The following TP63 variants were observed in gnomAD, a reference collection of about 807,000 sequenced individuals.
The protein encoded by TP63 is tumor protein p63.
In TP63, 17 loss-of-function variants were observed where a neutral mutation model predicts 82.8. The ratio of observed to expected loss-of-function variants is 0.21; its 90% CI spans 0.14 to 0.31. TP63 has a LOEUF of 0.31. Among genes scored for constraint, TP63 ranks in the 10% least tolerant of loss-of-function variants. The pLI is 1.00. For synonymous variants in TP63, 330 were observed against 321.7 expected (o/e 1.03, Z -0.28); for missense variants, 648 against 895.3 (o/e 0.72, Z 3.52).
intron 4 of TP63, among the ~76,000 whole-genome samples, chr3:189,858,468 T>A (rs568314311): frequency 6.7e-6 from 1 of 150,134 alleles, no homozygotes; most frequent in South Asian, 2.1e-4. Flanking sequence ...TACTATTCAG[T>A]CAGAAAAACA....
the TP63 span, among the ~76,000 whole-genome samples, chr3:189,611,806 G>A: frequency 1.3e-4 from 20 of 152,210 alleles, no homozygotes; most frequent in African/African-American, 4.8e-4. Context: ...ATTTCTTTGA[G>A]CATTGTTTTG....
chr3:189,637,386 G>A (rs1729849961), intron 1 of TP63, among the ~76,000 whole-genome samples: 1 of 152,008 alleles, frequency 6.6e-6, no homozygotes, highest in Non-Finnish European at 1.5e-5. Flanking sequence ...TCCAACAATT[G>A]TGTCTTCATG....
At chr3:189,737,660 G>GCTTTAATTTA in intron 1 of TP63, 80 bp from the exon 2 acceptor site, 2 of 1,505,284 alleles carry the variant, frequency 1.3e-6, no homozygotes, top group East Asian at 4.5e-5. Flanking sequence ...ATGTTTTCAT[G>GCTTTAATTTA]ATAGAGTATG....
At chr3:189,822,865 C>T (rs1005547470) in intron 4 of TP63, among the ~76,000 whole-genome samples, 1 of 152,176 alleles carries the variant, frequency 6.6e-6, no homozygotes, top group Non-Finnish European at 1.5e-5. Flanking sequence ...AGGGAAGCCA[C>T]AGGAAGGCAG....
intron 3 of TP63, among the ~76,000 whole-genome samples, chr3:189,797,933 G>C (rs1477811334): frequency 6.6e-6 from 1 of 151,996 alleles, no homozygotes; most frequent in African/African-American, 2.4e-5. Context: ...AAAGCTCTCA[G>C]ATTCCCCCAT....
At chr3:189,822,047 C>T (rs1382997164) in intron 4 of TP63, among the ~76,000 whole-genome samples, 17 of 152,156 alleles carry the variant, frequency 1.1e-4, no homozygotes, top group South Asian at 2.1e-4. Context: ...AATTTCACTT[C>T]TCTCTAGCTG....
chr3:189,734,058 CTTTT>C (rs374530322), intron 1 of TP63, among the ~76,000 whole-genome samples: 33 of 151,256 alleles, frequency 2.2e-4, no homozygotes, highest in African/African-American at 7.8e-4. Context: ...TTCTCTCTTT[CTTTT>C]TCTTTCTTTT....
chr3:189,618,328 T>A, the TP63 span, among the ~76,000 whole-genome samples: 1,927 of 152,292 alleles, frequency 0.013, 45 homozygotes, highest in African/African-American at 0.044. Flanking sequence ...AAGTCTTTCT[T>A]TGTATTGGGA....
intron 3 of TP63, among the ~76,000 whole-genome samples, chr3:189,754,631 T>C (rs758348116): frequency 2.0e-5 from 3 of 152,144 alleles, no homozygotes; most frequent in Non-Finnish European, 4.4e-5. Flanking sequence ...ATTTCTGATA[T>C]GTCATAGAAA....
chr3:189,807,208 T>C (rs1408882950), intron 3 of TP63, among the ~76,000 whole-genome samples: 1 of 152,252 alleles, frequency 6.6e-6, no homozygotes, highest in African/African-American at 2.4e-5. Flanking sequence ...GAAATGATGA[T>C]AGGCTGATTT....
intron 4 of TP63, among the ~76,000 whole-genome samples, chr3:189,827,290 C>T (rs1409909075): frequency 6.6e-6 from 1 of 152,186 alleles, no homozygotes; most frequent in Non-Finnish European, 1.5e-5. Context: ...CAGACTCCTA[C>T]TTATTCTTTA....
rs1476888127 is a variant in TP63 at position 189,808,544 on chromosome 3, G to C, written c.579+18G>C. On this transcript the variant is annotated intron_variant, in intron 4 of 13. Transcript: ENST00000264731. ...CCTGGACGGTAAGAGCAGCGGGCACGCACATACCTGACCCCCCAAGTCCAA... is the reference window on the plus strand; with the variant it reads ...CCTGGACGGTAAGAGCAGCGGGCACCCACATACCTGACCCCCCAAGTCCAA... 1 of 1,612,218 alleles carries C rather than the reference G, an allele frequency of 6.2e-7. No homozygotes were observed. The highest frequency in any genetic ancestry group is 1.3e-5 in the African/African-American group (1 of 74,938).
chr3:189,753,077 A>G (rs899474869), intron 3 of TP63, among the ~76,000 whole-genome samples: 11 of 152,052 alleles, frequency 7.2e-5, no homozygotes, highest in African/African-American at 2.7e-4. Context: ...GTTTATCTTG[A>G]TGACTGTTTT....
intron 4 of TP63, among the ~76,000 whole-genome samples, chr3:189,816,345 G>A (rs1164052142): frequency 6.6e-6 from 1 of 152,152 alleles, no homozygotes; most frequent in African/African-American, 2.4e-5. Context: ...TTGTGGGATT[G>A]TCGCTCTTGG....
chr3:189,820,481 G>T (rs1728688889), intron 4 of TP63, among the ~76,000 whole-genome samples: 1 of 152,144 alleles, frequency 6.6e-6, no homozygotes, highest in Non-Finnish European at 1.5e-5. Context: ...AGGTTTTATA[G>T]ACTCTTTTCT....
intron 1 of TP63, among the ~76,000 whole-genome samples, chr3:189,705,316 T>C (rs1198381865): frequency 2.6e-5 from 4 of 152,226 alleles, no homozygotes; most frequent in African/African-American, 7.2e-5. Context: ...ACCTACCCTA[T>C]AGGATTAGTA....
At chr3:189,790,798 G>A (rs969950436) in intron 3 of TP63, among the ~76,000 whole-genome samples, 1 of 152,048 alleles carries the variant, frequency 6.6e-6, no homozygotes, top group Non-Finnish European at 1.5e-5. Flanking sequence ...GTGGACTAGA[G>A]TACTCAAATT....
intron 1 of TP63, among the ~76,000 whole-genome samples, chr3:189,718,051 A>G (rs1577295784): frequency 6.6e-6 from 1 of 152,186 alleles, no homozygotes; most frequent in Admixed American, 6.5e-5. Context: ...GAAAAACAAA[A>G]ACAAATGCCA....
chr3:189,869,523 T>G, intron 9 of TP63, 117 bp downstream of exon 9: 1 of 900,666 alleles, frequency 1.1e-6, no homozygotes, highest in Non-Finnish European at 1.8e-6. Context: ...TCTTAGTCAG[T>G]TGAAGCTGCT....
Sources: gnomAD v4.1 joint callset for allele counts (sites outside exome capture counted in the v4.1 genomes callset) on GRCh38, gnomAD v4.1.1 for gene constraint, MANE v1.5 for transcripts, NCBI Gene and HGNC (gene_info 2026-07-23, HGNC 2026-07-21) for gene names.